CCDC138: variants seen among roughly 807,000 people sequenced by gnomAD.
CCDC138 encodes the protein coiled-coil domain-containing protein 138.
A neutral mutation model predicts 82.3 loss-of-function variants in CCDC138; 66 were observed. The observed-to-expected ratio is 0.80, with a 90% CI of 0.66 to 0.98. The LOEUF (loss-of-function observed/expected upper bound fraction) is 0.98, where lower values mean the gene tolerates loss of function less well. Ranked by LOEUF, CCDC138 falls within the 50% of genes least tolerant of loss-of-function variation. CCDC138 has a pLI of 0.00. For missense variants in CCDC138, 816 were observed against 758.9 expected, an observed-to-expected ratio of 1.08 and a Z score of -0.88; for synonymous variants, 297 against 265.4, an observed-to-expected ratio of 1.12 and a Z score of -1.16.
At chr2:108,881,839 C>G (rs188587061) in intron 1 of CCDC138, among the ~76,000 whole-genome samples, 1 of 152,206 alleles carries the variant, frequency 6.6e-6, no homozygotes, top group African/African-American at 2.4e-5. Context: ...GAAACAATTA[C>G]AATAGTAACA....
At chr2:108,854,037 A>T (rs867087140) in intron 12 of CCDC138, among the ~76,000 whole-genome samples, 87 of 69,312 alleles carry the variant, frequency 1.3e-3, no homozygotes, top group South Asian at 3.8e-3. Flanking sequence ...TATTATATAT[A>T]ATATATAATA....
intron 10 of CCDC138, among the ~76,000 whole-genome samples, chr2:108,824,906 G>A (rs1291569423): frequency 6.6e-6 from 1 of 152,164 alleles, no homozygotes; most frequent in Non-Finnish European, 1.5e-5. Flanking sequence ...TATGTGGTCA[G>A]TTGACCGAAA....
chr2:108,842,901 G>A lies in CCDC138; in HGVS notation c.1323+3600G>A, dbSNP rs113235590. ...TGGTCATTTTACCGGTTTGAATAAA[G>A]CACAGAAGCTTTACTTCCCTTTTTA... On this transcript the variant is annotated intron_variant, in intron 11 of 14. Transcript: ENST00000295124. Among the ~76,000 whole-genome samples the A allele has an allele frequency of 7.8e-3, 1,188 of 152,236 alleles. 22 individuals carry two copies. The highest frequency in any genetic ancestry group is 0.026 in the African/African-American group (1,089 of 41,550).
Position 108,876,197 on chromosome 2 carries a change from C to G in CCDC138, c.1942C>G (p.Leu648Val), listed in dbSNP as rs1461922275. 3 of 1,613,372 alleles carry G rather than the reference C, an allele frequency of 1.9e-6. No individual in the cohort carries two copies. The highest frequency in any genetic ancestry group is 4.5e-5 in the East Asian group (2 of 44,798). ...AFLCINLNST[L>V]FNLGLTKCNS... ...TCTCTGTATTAATCTAAATTCAACT[C>G]TGTTCAATCTGGGTTTAACAAAATG... Residue 648 changes from leucine (L) to valine (V), a missense_variant, in exon 15 of 15, where the codon CTG (leucine) becomes GTG (valine). Physicochemically the swap from Leu to Val is conservative, Grantham distance 32 (BLOSUM62 1). Transcript: ENST00000295124.
intron 6 of CCDC138, among the ~76,000 whole-genome samples, chr2:108,799,592 A>G (rs1349340814): frequency 6.6e-6 from 1 of 152,184 alleles, no homozygotes; most frequent in East Asian, 1.9e-4. Context: ...CAGTTTATTT[A>G]CAGTGTTTCT....
chr2:108,837,089 G>C (rs890120703), intron 10 of CCDC138, among the ~76,000 whole-genome samples: 4 of 152,152 alleles, frequency 2.6e-5, no homozygotes, highest in Non-Finnish European at 5.9e-5. Context: ...ATAGTGAACA[G>C]AAGTGGTGAG....
intron 9 of CCDC138, among the ~76,000 whole-genome samples, chr2:108,813,630 T>C (rs555993294): frequency 6.6e-6 from 1 of 152,194 alleles, no homozygotes; most frequent in Non-Finnish European, 1.5e-5. Flanking sequence ...ATTTGAGATA[T>C]AAATTACATA....
chr2:108,863,998 C>T (rs1256179979), intron 13 of CCDC138, among the ~76,000 whole-genome samples: 1 of 152,150 alleles, frequency 6.6e-6, no homozygotes, highest in East Asian at 1.9e-4. Flanking sequence ...ACACTGTTAA[C>T]AGAATCTCTG....
At chr2:108,854,101 TAATA>T (rs1248708692) in intron 12 of CCDC138, among the ~76,000 whole-genome samples, 66 of 134,066 alleles carry the variant, frequency 4.9e-4, no homozygotes, top group South Asian at 3.3e-3. Context: ...ATTATATATA[TAATA>T]AATATATATA....
chr2:108,828,419 A>G (rs1330824833), intron 10 of CCDC138, among the ~76,000 whole-genome samples: 5 of 152,200 alleles, frequency 3.3e-5, no homozygotes, highest in Admixed American at 2.6e-4. Flanking sequence ...AAAAAGAACA[A>G]AGTTAGAGAG....
At position 108,787,974 on chromosome 2, in the gene CCDC138, T is replaced by C. The variant is rs1679187780; in HGVS notation, c.94-58T>C. Reference sequence around the variant, plus strand: ...TAATACATAATTTGTGGGGAAATATTTTGAGACAGTAAATTGATTTTTAGT... The same window carrying C: ...TAATACATAATTTGTGGGGAAATATCTTGAGACAGTAAATTGATTTTTAGT... On this transcript the variant is annotated intron_variant, in intron 1 of 14. Transcript: ENST00000295124. 9.0e-6 allele frequency: 12 copies of C among 1,333,770 alleles called. No individual in the cohort carries two copies. In the East Asian group the frequency reaches 3.1e-4, roughly 35 times the overall value. The allele number at this position is 1,333,770 out of a possible 1,614,324, so 82.6% of individuals were successfully genotyped here. A position where few individuals can be genotyped will look rare whatever the true frequency, so the allele number is the denominator to read the frequency against.
At chr2:108,859,196 GTCT>G (rs1693158677) in intron 13 of CCDC138, among the ~76,000 whole-genome samples, 1 of 152,154 alleles carries the variant, frequency 6.6e-6, no homozygotes, top group African/African-American at 2.4e-5. Context: ...CTACTTGTAT[GTCT>G]TCTTTTGAGA....
intron 13 of CCDC138, among the ~76,000 whole-genome samples, chr2:108,871,370 T>TAAAAAAAA (rs59725353): frequency 1.8e-3 from 136 of 76,474 alleles, no homozygotes; most frequent in Middle Eastern, 7.8e-3. Context: ...CCAACTCTAT[T>TAAAAAAAA]AAAAAAAAAA....
downstream of CCDC138, among the ~76,000 whole-genome samples, chr2:108,879,448 C>T (rs1336100127): frequency 6.6e-6 from 1 of 152,110 alleles, no homozygotes; most frequent in African/African-American, 2.4e-5. Flanking sequence ...AATCTGGTAT[C>T]AAACAGTTGG....
chr2:108,867,728 A>G (rs984155799), intron 13 of CCDC138, among the ~76,000 whole-genome samples: 1 of 152,126 alleles, frequency 6.6e-6, no homozygotes, highest in African/African-American at 2.4e-5. Flanking sequence ...TTGTTTTTAA[A>G]TATTTCTTTA....
chr2:108,860,935 C>CTTTTTTGT (rs1693479317), intron 13 of CCDC138, among the ~76,000 whole-genome samples: 1 of 37,914 alleles, frequency 2.6e-5, no homozygotes, highest in Admixed American at 5.0e-4. Context: ...TGGTCCAGGA[C>CTTTTTTGT]TTTTTTTTTT....
In CCDC138 at chr2:108,817,828, T is replaced by C. The variant is rs182365055; in HGVS notation, c.1206+1723T>C. On this transcript the variant is annotated intron_variant, in intron 10 of 14. Transcript: ENST00000295124. Reference sequence around the variant, plus strand: ...GAAGTGTAAAATAATGAATTTGTGTTGTTTAAATGTTAAGTTTGTGGTATT... The same window carrying C: ...GAAGTGTAAAATAATGAATTTGTGTCGTTTAAATGTTAAGTTTGTGGTATT... Among the ~76,000 whole-genome samples the C allele has an allele frequency of 2.0e-5, 3 of 152,300 alleles. No individual in the cohort carries two copies. The East Asian group carries it at 5.8e-4, about 29-fold the overall frequency.
chr2:108,836,870 T>C (rs1342514461), intron 10 of CCDC138, among the ~76,000 whole-genome samples: 3 of 152,192 alleles, frequency 2.0e-5, no homozygotes, highest in Non-Finnish European at 4.4e-5. Context: ...GATTGTTCAT[T>C]GTTAGTGTAT....
intron 13 of CCDC138, among the ~76,000 whole-genome samples, chr2:108,858,330 T>G (rs1463584082): frequency 2.0e-5 from 3 of 151,936 alleles, no homozygotes; most frequent in African/African-American, 4.8e-5. Context: ...GGTGCCAGAG[T>G]AAGTCTCCGT....
Sources: allele counts gnomAD v4.1 joint callset (sites outside exome capture counted in the v4.1 genomes callset), GRCh38; gene constraint gnomAD v4.1.1; transcripts MANE v1.5; gene names NCBI Gene and HGNC (gene_info 2026-07-23, HGNC 2026-07-21).